The following PDE9A variants were observed in gnomAD, a reference collection of about 807,000 sequenced individuals.
PDE9A encodes the protein high affinity cGMP-specific 3',5'-cyclic phosphodiesterase 9A.
A neutral mutation model predicts 87.4 loss-of-function variants in PDE9A; 60 were observed. That is an observed-to-expected ratio of 0.69 (90% CI 0.56 to 0.85). The LOEUF (loss-of-function observed/expected upper bound fraction) is 0.85, where lower values mean the gene tolerates loss of function less well. PDE9A is among the 40% of genes least tolerant of loss of function. The probability of loss-of-function intolerance (pLI) is 0.00; values close to 1 mark genes in which losing one functional copy is unlikely to be tolerated. For missense variants in PDE9A, 665 were observed against 779.0 expected (o/e 0.85, Z 1.74); for synonymous variants, 272 against 279.4 (o/e 0.97, Z 0.27).
chr21:42,734,263 G>A (rs1009749663), intron 7 of PDE9A: 1 of 152,204 alleles, frequency 6.6e-6, no homozygotes, highest in African/African-American at 2.4e-5. Context: ...GCCAAGGAGT[G>A]TCGATTCAAG....
intron 2 of PDE9A, among the ~76,000 whole-genome samples, chr21:42,687,416 G>A (rs890643676): frequency 1.3e-5 from 2 of 152,106 alleles, no homozygotes; most frequent in Admixed American, 6.5e-5. Context: ...TACAACTGAA[G>A]ATCAGAGATT....
intron 3 of PDE9A, among the ~76,000 whole-genome samples, chr21:42,690,585 G>C (rs2059767264): frequency 6.6e-6 from 1 of 151,934 alleles, no homozygotes; most frequent in Non-Finnish European, 1.5e-5. Flanking sequence ...TGTCCCCCAG[G>C]CTGGTGCCTG....
intron 3 of PDE9A, among the ~76,000 whole-genome samples, chr21:42,690,374 ATGTGGAAATGGATCTAGACAG>A (rs2059750191): frequency 6.6e-6 from 1 of 152,084 alleles, no homozygotes; most frequent in East Asian, 1.9e-4. Context: ...CTAGACAGCG[ATGTGGAAATGGATCTAGACAG>A]CGATGTGGAT....
chr21:42,698,532 G>A (rs772363547), intron 3 of PDE9A, among the ~76,000 whole-genome samples: 126 of 152,286 alleles, frequency 8.3e-4, no homozygotes, highest in Non-Finnish European at 1.5e-3. Flanking sequence ...AGATCCCAGT[G>A]CATTTTCGAC....
chr21:42,706,383 GC>G (rs2048835151), intron 4 of PDE9A, among the ~76,000 whole-genome samples: 1 of 152,074 alleles, frequency 6.6e-6, no homozygotes. Flanking sequence ...GGTGGCTCAC[GC>G]CTGTAATCCC....
At chr21:42,726,688 TG>T (rs2051152330) in intron 4 of PDE9A, among the ~76,000 whole-genome samples, 1 of 136,792 alleles carries the variant, frequency 7.3e-6, no homozygotes, top group Non-Finnish European at 1.5e-5. Context: ...CTCAAACTCC[TG>T]GGCTCAAGCA....
At chr21:42,661,392 C>G (rs2145827264) in intron 1 of PDE9A, among the ~76,000 whole-genome samples, 2 of 133,110 alleles carry the variant, frequency 1.5e-5, no homozygotes, top group South Asian at 5.7e-4. Context: ...CCCTCCCCAT[C>G]CCCCTCCCCC....
At chr21:42,662,942 GCA>G (rs999592164) in intron 1 of PDE9A, among the ~76,000 whole-genome samples, 2 of 105,318 alleles carry the variant, frequency 1.9e-5, no homozygotes, top group African/African-American at 3.9e-5. Context: ...TGCACACCAC[GCA>G]CACGCACATC....
chr21:42,673,479 G>A (rs2058672956), intron 1 of PDE9A, among the ~76,000 whole-genome samples: 1 of 152,164 alleles, frequency 6.6e-6, no homozygotes, highest in Non-Finnish European at 1.5e-5. Flanking sequence ...AGTCTAGTGC[G>A]GCCCTTTGCA....
rs536682346 is a variant in PDE9A, at chr21:42,659,191, T to C, written c.69+5308T>C. Among the ~76,000 whole-genome samples, 23 of 152,122 alleles carry C rather than the reference T, an allele frequency of 1.5e-4. No homozygotes were observed. The highest frequency in any genetic ancestry group is 3.2e-4 in the Non-Finnish European group (22 of 68,014). The stretch of plus-strand genomic sequence containing the variant: ...CTGCTGGCCTCCACACTCCTTCCCA[T>C]TGGTGTGGTCCGAATTCCCCTTTAG... On this transcript the variant is annotated intron_variant, in intron 1 of 19. Transcript: ENST00000291539. The surrounding 1 kb of genome is among the most constrained non-coding windows in gnomAD (Gnocchi z 4.1).
At chr21:42,767,354 G>C (rs979460376) in intron 15 of PDE9A, among the ~76,000 whole-genome samples, 4 of 152,176 alleles carry the variant, frequency 2.6e-5, no homozygotes, top group Non-Finnish European at 5.9e-5. Context: ...AGGCCGGCCA[G>C]GCACAGGCTA....
At chr21:42,680,057 C>T (rs181109885) in intron 1 of PDE9A, among the ~76,000 whole-genome samples, 7 of 152,322 alleles carry the variant, frequency 4.6e-5, no homozygotes, top group East Asian at 1.9e-4. Context: ...GGAGCCTGGG[C>T]GGGCCTGGGC....
rs568781851 is a variant in PDE9A, at chr21:42,744,953, C to T, written c.653+1093C>T. Among the ~76,000 whole-genome samples the T allele has an allele frequency of 3.9e-5, 6 of 152,344 alleles. No individual in the cohort carries two copies. In the East Asian group the frequency reaches 1.2e-3, roughly 29 times the overall value. On this transcript the variant is annotated intron_variant, in intron 8 of 19. Transcript: ENST00000291539. ...TGCCCGCTGGTGCCAGCCCAGACAC[C>T]ACAGGCATATGATGTGGCTCATGGT...
At chr21:42,688,092 G>T (rs2059577966) in intron 3 of PDE9A, 98 bp downstream of exon 3, 1 of 992,824 alleles carries the variant, frequency 1.0e-6, no homozygotes, top group Middle Eastern at 2.0e-4. Flanking sequence ...ACTGCAGAAA[G>T]GTGTGAATTG....
At position 42,692,826 on chromosome 21, in the gene PDE9A, C is replaced by G. The variant is rs1027470035; in HGVS notation, c.218+4832C>G. Among the ~76,000 whole-genome samples the G allele has an allele frequency of 1.3e-5, 2 of 152,192 alleles. No homozygotes were observed. The highest frequency in any genetic ancestry group is 2.9e-5 in the Non-Finnish European group (2 of 68,032). Reference sequence around the variant, plus strand: ...CACTCGGTGCCTGGTGACATGCGGCCATCCTCAGAGATGTGCTTCGGGGCC... The same window carrying G: ...CACTCGGTGCCTGGTGACATGCGGCGATCCTCAGAGATGTGCTTCGGGGCC... On this transcript the variant is annotated intron_variant, in intron 3 of 19. Transcript: ENST00000291539. The surrounding 1 kb of genome is among the most constrained non-coding windows in gnomAD (Gnocchi z 4.3).
intron 4 of PDE9A, among the ~76,000 whole-genome samples, chr21:42,699,410 GCA>G (rs1417405242): frequency 5.9e-5 from 9 of 152,346 alleles, no homozygotes; most frequent in African/African-American, 2.2e-4. Context: ...TTGCAGGGCG[GCA>G]TCCACTCTGG....
chr21:42,719,593 T>C (rs1399121706), intron 4 of PDE9A, among the ~76,000 whole-genome samples: 1 of 142,954 alleles, frequency 7.0e-6, no homozygotes, highest in East Asian at 2.0e-4. Flanking sequence ...TGAGCCGAGA[T>C]GGCGCCACTG....
At chr21:42,691,053 C>A (rs2059801533) in intron 3 of PDE9A, among the ~76,000 whole-genome samples, 2 of 150,586 alleles carry the variant, frequency 1.3e-5, no homozygotes, top group Middle Eastern at 7.1e-3. Flanking sequence ...TCCAGAGTCA[C>A]CAGCCCCATC....
chr21:42,683,908 C>T (rs11911980), intron 1 of PDE9A, among the ~76,000 whole-genome samples: 4,662 of 152,224 alleles, frequency 0.031, 219 homozygotes, highest in African/African-American at 0.1. Context: ...CCCAGTGGGG[C>T]GGGGTGGGGC....
Sources: allele counts gnomAD v4.1 joint callset (sites outside exome capture counted in the v4.1 genomes callset), GRCh38; gene constraint gnomAD v4.1.1; non-coding constraint Gnocchi (gnomAD v3.1); transcripts MANE v1.5; gene names NCBI Gene and HGNC (gene_info 2026-07-23, HGNC 2026-07-21).